PKP2: variants seen among roughly 807,000 people sequenced by gnomAD.
The protein encoded by PKP2 is plakophilin-2.
PKP2 carries 73 observed loss-of-function variants against 83.4 expected under a neutral mutation model. The observed-to-expected ratio is 0.88, with a 90% CI of 0.72 to 1.06. The LOEUF (loss-of-function observed/expected upper bound fraction) is 1.06, where lower values mean the gene tolerates loss of function less well. Among genes scored for constraint, PKP2 ranks in the 50% least tolerant of loss-of-function variants. The pLI, the probability that PKP2 is intolerant of heterozygous loss-of-function variation, is 0.00. For synonymous variants in PKP2, 409 were observed against 430.4 expected (o/e 0.95, Z 0.62); for missense variants, 966 against 1,065.4 (o/e 0.91, Z 1.30).
intron 6 of PKP2, among the ~76,000 whole-genome samples, chr12:32,837,629 C>T (rs142312944): frequency 1.3e-5 from 2 of 152,146 alleles, no homozygotes; most frequent in African/African-American, 4.8e-5. Context: ...GACTGTTTTG[C>T]AAACACTGTT....
intron 5 of PKP2, among the ~76,000 whole-genome samples, chr12:32,845,476 C>T (rs759403133): frequency 2.0e-5 from 3 of 152,062 alleles, no homozygotes; most frequent in East Asian, 1.9e-4. Flanking sequence ...GGCGTGAACC[C>T]GGGAGGCGGA....
rs149968852 is a variant in PKP2, at chr12:32,796,095, A to AG, written c.2357+13_2357+14insC. The AG allele has an allele frequency of 0.17, 279,247 of 1,609,152 alleles. 30,631 individuals carry two copies. Among genetic ancestry groups the AG allele is most frequent in the East Asian group, 0.57 (25,376 of 44,764 alleles). On this transcript the variant is annotated intron_variant, in intron 11 of 12. Coordinates refer to ENST00000340811, the MANE Select transcript of PKP2 (RefSeq NM_001005242.3). ...GAAAGGGAGGCAGCTGACGGGCAGA[A>AG]CTGAAGGACTTACGCATCGCCTGCA... is the stretch of plus-strand genomic sequence containing the variant.
intron 10 of PKP2, among the ~76,000 whole-genome samples, chr12:32,797,077 T>C (rs994379458): frequency 3.3e-5 from 5 of 152,090 alleles, no homozygotes; most frequent in Admixed American, 6.6e-5. Flanking sequence ...CTATGAAGCA[T>C]GTATAATAAA....
chr12:32,828,101 T>C (rs1041859839), intron 6 of PKP2, among the ~76,000 whole-genome samples: 3 of 152,220 alleles, frequency 2.0e-5, no homozygotes, highest in Admixed American at 6.5e-5. Flanking sequence ...GTTTGACTTG[T>C]GGCCAGTGCT....
chr12:32,843,999 C>G (rs1450618508), intron 5 of PKP2, among the ~76,000 whole-genome samples: 4 of 152,054 alleles, frequency 2.6e-5, no homozygotes, highest in East Asian at 1.9e-4. Context: ...TAAAAAGGAC[C>G]ACACAGGACA....
At chr12:32,896,262 GAGTT>G (rs1957122399) in intron 1 of PKP2, among the ~76,000 whole-genome samples, 1 of 152,194 alleles carries the variant, frequency 6.6e-6, no homozygotes, top group African/African-American at 2.4e-5. Context: ...ATCTTGAAGT[GAGTT>G]AGTTAACATT....
chr12:32,820,094 G>T (rs1015620891), intron 9 of PKP2: 1 of 152,220 alleles, frequency 6.6e-6, no homozygotes, highest in Non-Finnish European at 1.5e-5. Flanking sequence ...AAGCCAAACA[G>T]ATGAAAGTTT....
In PKP2 at chr12:32,876,879, A is replaced by G. The variant is rs541763805; in HGVS notation, c.1034+967T>C. Among the ~76,000 whole-genome samples, 5 of 152,316 alleles carry G rather than the reference A, an allele frequency of 3.3e-5. No homozygotes were observed. The South Asian group carries it at 8.3e-4, about 25-fold the overall frequency. ...TCATATTGCCTAAGGTCTGCTTACT[A>G]TAAGAAATGTTAGAAATCTCATGGT... On this transcript the variant is annotated intron_variant, in intron 3 of 12. Coordinates refer to ENST00000340811, the MANE Select transcript of PKP2 (RefSeq NM_001005242.3).
At chr12:32,821,733 C>T (rs1956381141) in intron 8 of PKP2, 1 of 556,918 alleles carries the variant, frequency 1.8e-6, no homozygotes, top group Admixed American at 3.0e-5. Context: ...TTCCTAATAA[C>T]ACTCCACACC....
chr12:32,862,922 AC>A (rs779954452), intron 4 of PKP2, among the ~76,000 whole-genome samples: 86 of 151,028 alleles, frequency 5.7e-4, no homozygotes, highest in Non-Finnish European at 1.1e-3. Context: ...TTGCATGAAC[AC>A]GAAAGGTGGA....
intron 1 of PKP2, among the ~76,000 whole-genome samples, chr12:32,881,379 T>A (rs1000637489): frequency 7.9e-5 from 12 of 152,116 alleles, no homozygotes; most frequent in African/African-American, 2.9e-4. Flanking sequence ...TTAATCTCTA[T>A]GGCAAAGAAC....
At chr12:32,892,738 A>C (rs1253937730) in intron 1 of PKP2, among the ~76,000 whole-genome samples, 1 of 134,276 alleles carries the variant, frequency 7.4e-6, no homozygotes, top group Non-Finnish European at 1.5e-5. Flanking sequence ...TTGCATTAGG[A>C]GATTGTTCAC....
chr12:32,834,369 G>C (rs1310830508), intron 6 of PKP2, among the ~76,000 whole-genome samples: 3 of 152,228 alleles, frequency 2.0e-5, no homozygotes, highest in Non-Finnish European at 2.9e-5. Context: ...AGAATACCAA[G>C]AAGGCTGGAC....
At chr12:32,838,043 C>T (rs550042224) in intron 6 of PKP2, among the ~76,000 whole-genome samples, 3 of 152,232 alleles carry the variant, frequency 2.0e-5, no homozygotes, top group African/African-American at 4.8e-5. Flanking sequence ...GCATGTTCAT[C>T]GCAGGACTGT....
At chr12:32,870,213 T>C (rs1187116924) in intron 3 of PKP2, among the ~76,000 whole-genome samples, 1 of 152,094 alleles carries the variant, frequency 6.6e-6, no homozygotes. Context: ...AGTGAGTAAA[T>C]ACTCTTTTCT....
intron 1 of PKP2, among the ~76,000 whole-genome samples, chr12:32,881,147 C>T (rs534951070): frequency 6.6e-6 from 1 of 152,296 alleles, no homozygotes; most frequent in South Asian, 2.1e-4. Flanking sequence ...AAGTCTAAAT[C>T]CATCCTAAAT....
chr12:32,819,282 T>TAAATAAAATA (rs1214194319), intron 9 of PKP2, among the ~76,000 whole-genome samples: 11 of 112,178 alleles, frequency 9.8e-5, no homozygotes, highest in African/African-American at 3.7e-4. Context: ...CGCCTCAAAA[T>TAAATAAAATA]AAATACAATA....
rs560066407 is a variant in PKP2 at position 32,824,487 on chromosome 12, G to C, written c.1557-325C>G. ...AAATGTTTTTGCAACTAGAACAAGA[G>C]CAAATGGCACATTAGACATTATAAT... On this transcript the variant is annotated intron_variant, in intron 6 of 12. Coordinates refer to ENST00000340811, the MANE Select transcript of PKP2 (RefSeq NM_001005242.3). 86 of 352,330 alleles carry C rather than the reference G, an allele frequency of 2.4e-4. 1 individual carries two copies. The highest frequency in any genetic ancestry group is 9.7e-4 in the Middle Eastern group (1 of 1,028). The allele number at this position is 352,330 out of a possible 1,614,324, so 21.8% of individuals were successfully genotyped here. A position where few individuals can be genotyped will look rare whatever the true frequency, so the allele number is the denominator to read the frequency against.
intron 11 of PKP2, among the ~76,000 whole-genome samples, chr12:32,793,710 C>T (rs894004254): frequency 2.7e-5 from 4 of 149,256 alleles, no homozygotes; most frequent in African/African-American, 1.0e-4. Context: ...ATTCTCCTGC[C>T]TCAGCCTCCG....
Sources: allele counts gnomAD v4.1 joint callset (sites outside exome capture counted in the v4.1 genomes callset), GRCh38; gene constraint gnomAD v4.1.1; transcripts MANE v1.5; gene names NCBI Gene and HGNC (gene_info 2026-07-23, HGNC 2026-07-21).